The following GPHN variants were observed in gnomAD, a reference collection of about 807,000 sequenced individuals.
GPHN encodes gephyrin.
In GPHN, 17 loss-of-function variants were observed where a neutral mutation model predicts 95.5. The ratio of observed to expected loss-of-function variants is 0.18; its 90% CI spans 0.12 to 0.27. GPHN has a LOEUF of 0.27. Ranked by LOEUF, GPHN falls within the 10% of genes least tolerant of loss-of-function variation. GPHN has a pLI of 1.00. For synonymous variants in GPHN, 320 were observed against 322.5 expected, an observed-to-expected ratio of 0.99 and a Z score of 0.08; for missense variants, 660 against 978.1, an observed-to-expected ratio of 0.67 and a Z score of 4.34.
At chr14:66,747,574 G>A (rs2058200926) in intron 2 of GPHN, among the ~76,000 whole-genome samples, 1 of 151,554 alleles carries the variant, frequency 6.6e-6, no homozygotes, top group African/African-American at 2.4e-5. Flanking sequence ...TCTCAGGACG[G>A]GTTAATAGAT....
the GPHN span, among the ~76,000 whole-genome samples, chr14:67,274,779 G>A: frequency 6.9e-3 from 1,048 of 152,242 alleles, 18 homozygotes; most frequent in African/African-American, 0.024. Flanking sequence ...CCATTTGTTT[G>A]TGTCCTCTTT....
the GPHN span, chr14:67,320,232 T>G: frequency 2.5e-6 from 4 of 1,605,342 alleles, no homozygotes; most frequent in African/African-American, 5.4e-5. Context: ...TCCCAAAGAT[T>G]ATGACAACGA....
chr14:67,502,492 GT>G, the GPHN span, among the ~76,000 whole-genome samples: 1 of 125,386 alleles, frequency 8.0e-6, no homozygotes, highest in Non-Finnish European at 1.6e-5. Context: ...TTGCTTTGTT[GT>G]CCAGGCTAGA....
intron 3 of GPHN, chr14:66,823,348 GTATT>G (rs1263647693): frequency 6.6e-6 from 1 of 152,114 alleles, no homozygotes; most frequent in Middle Eastern, 3.2e-3. Context: ...ATAAGAGTGA[GTATT>G]TAAGCTTTTC....
At chr14:67,531,381 A>G in the GPHN span, among the ~76,000 whole-genome samples, 6 of 152,226 alleles carry the variant, frequency 3.9e-5, no homozygotes, top group East Asian at 1.2e-3. Context: ...TAAATTCCTA[A>G]TGTAGGGTTC....
the GPHN span, among the ~76,000 whole-genome samples, chr14:67,551,367 T>C: frequency 3.3e-3 from 504 of 152,326 alleles, 5 homozygotes; most frequent in African/African-American, 0.011. Flanking sequence ...AGCTTTTACC[T>C]ATAAATTTCT....
chr14:66,833,978 C>T (rs2153501906), intron 4 of GPHN, among the ~76,000 whole-genome samples: 1 of 152,240 alleles, frequency 6.6e-6, no homozygotes, highest in East Asian at 1.9e-4. Context: ...CTAGCATGCC[C>T]TTTTCATCAT....
At chr14:66,942,776 G>A (rs1190994224) in intron 8 of GPHN, among the ~76,000 whole-genome samples, 3 of 152,092 alleles carry the variant, frequency 2.0e-5, no homozygotes, top group Non-Finnish European at 1.5e-5. Flanking sequence ...TTTTCTAGAT[G>A]CCCCAGGGGA....
At chr14:67,711,127 G>T in the GPHN span, among the ~76,000 whole-genome samples, 1 of 152,112 alleles carries the variant, frequency 6.6e-6, no homozygotes, top group Non-Finnish European at 1.5e-5. Flanking sequence ...TACTTCCTGT[G>T]GACTAGACCA....
chr14:66,514,665 C>A (rs894943322), intron 1 of GPHN, among the ~76,000 whole-genome samples: 13 of 151,820 alleles, frequency 8.6e-5, no homozygotes, highest in Admixed American at 1.3e-4. Context: ...GAATAATGAT[C>A]AAAGAAGGAA....
At chr14:67,375,232 C>CTGTGTGTGTGTGTG in the GPHN span, among the ~76,000 whole-genome samples, 2 of 137,574 alleles carry the variant, frequency 1.5e-5, no homozygotes, top group African/African-American at 2.7e-5. Flanking sequence ...ATCCTCAGTT[C>CTGTGTGTGTGTGTG]TGTGTGTGTG....
chr14:67,016,859 T>A (rs2073341344), intron 9 of GPHN, among the ~76,000 whole-genome samples: 1 of 152,140 alleles, frequency 6.6e-6, no homozygotes, highest in Admixed American at 6.5e-5. Flanking sequence ...ATTCTACCTA[T>A]ATAAAATATA....
chr14:66,997,366 TAA>T (rs34315684), intron 9 of GPHN, among the ~76,000 whole-genome samples: 30,614 of 123,716 alleles, frequency 0.25, 6,134 homozygotes, highest in African/African-American at 0.53. Flanking sequence ...GACTTCGTCT[TAA>T]AAAAAAAAAA....
chr14:67,188,450 T>G, the GPHN span, among the ~76,000 whole-genome samples: 1 of 152,272 alleles, frequency 6.6e-6, no homozygotes, highest in Admixed American at 6.5e-5. Flanking sequence ...CATCAACAGT[T>G]AAGAGATGAG....
chr14:66,966,143 T>C (rs2069309564), intron 9 of GPHN, among the ~76,000 whole-genome samples: 2 of 152,160 alleles, frequency 1.3e-5, no homozygotes, highest in African/African-American at 4.8e-5. Context: ...AGACACTAAA[T>C]TTGTTTTAGG....
chr14:67,243,718 A>C, the GPHN span, among the ~76,000 whole-genome samples: 2 of 149,380 alleles, frequency 1.3e-5, no homozygotes, highest in Admixed American at 6.7e-5. Context: ...GGATGATCTC[A>C]ATCTCCTGAC....
At chr14:67,138,451 C>T (rs1472879626) in intron 17 of GPHN, among the ~76,000 whole-genome samples, 1 of 152,060 alleles carries the variant, frequency 6.6e-6, no homozygotes, top group Non-Finnish European at 1.5e-5. Context: ...TGTTTTCTCT[C>T]TATTATATTA....
At chr14:67,609,294 G>A in the GPHN span, among the ~76,000 whole-genome samples, 2 of 152,058 alleles carry the variant, frequency 1.3e-5, no homozygotes, top group African/African-American at 4.8e-5. Context: ...TTATTATAAC[G>A]CATATTTTAA....
chr14:67,653,496 C>T, the GPHN span: 18 of 1,613,256 alleles, frequency 1.1e-5, no homozygotes, highest in Admixed American at 2.8e-4. Flanking sequence ...TTGTGTTTAC[C>T]AGCTGAGAAG....
Sources: gnomAD v4.1 joint callset for allele counts (sites outside exome capture counted in the v4.1 genomes callset) on GRCh38, gnomAD v4.1.1 for gene constraint, MANE v1.5 for transcripts, NCBI Gene and HGNC (gene_info 2026-07-23, HGNC 2026-07-21) for gene names.